Variants in ARHGEF4 observed in about 807,000 individuals in gnomAD.
ARHGEF4 encodes the protein Rho guanine nucleotide exchange factor 4, also known as APC-stimulated guanine nucleotide exchange factor 1.
In ARHGEF4, 119 loss-of-function variants were observed where a neutral mutation model predicts 162.0. The ratio of observed to expected loss-of-function variants is 0.73; its 90% CI spans 0.63 to 0.86. The LOEUF is 0.86. ARHGEF4 is among the 40% of genes least tolerant of loss of function. ARHGEF4 has a pLI of 0.00. For synonymous variants in ARHGEF4, 1,014 were observed against 979.9 expected (o/e 1.03, Z -0.65); for missense variants, 2,488 against 2,456.0 (o/e 1.01, Z -0.28).
In ARHGEF4 at chr2:130,912,972, T is replaced by C. The variant is rs545843940; in HGVS notation, c.40-1014T>C. Among the ~76,000 whole-genome samples the C allele has an allele frequency of 4.5e-4, 69 of 152,296 alleles. 1 individual carries two copies. The South Asian group carries it at 0.012, about 27-fold the overall frequency. ...TTATAATTGTTCTATTTTGTTAATA[T>C]TGTTAATTTTTTACTGTGCCTAATT... On this transcript the variant is annotated intron_variant, in intron 1 of 13. Coordinates refer to ENST00000409359, the MANE Select transcript of ARHGEF4 (RefSeq NM_001367493.1).
intron 4 of ARHGEF4, among the ~76,000 whole-genome samples, chr2:131,008,428 A>G (rs1010745671): frequency 2.0e-5 from 3 of 152,054 alleles, no homozygotes; most frequent in African/African-American, 7.3e-5. Context: ...TTCACAAAGT[A>G]GATATTCTCA....
chr2:130,916,819 G>A lies in ARHGEF4; in HGVS notation c.2873G>A (p.Ser958Asn). ...RQGSWRAFLK[S>N]KDAGSPKKPT... ...GGTTCCTGGCGGGCGTTTCTGAAAA[G>A]CAAAGATGCCGGAAGCCCCAAAAAG... Residue 958 changes from serine (S) to asparagine (N), a missense_variant, in exon 2 of 14, where the codon AGC (serine) becomes AAC (asparagine). Ser to Asn is a conservative substitution (Grantham distance 46, BLOSUM62 1). Coordinates refer to ENST00000409359, the MANE Select transcript of ARHGEF4 (RefSeq NM_001367493.1). The A allele has an allele frequency of 6.4e-7, 1 of 1,550,444 alleles. No individual in the cohort carries two copies. The highest frequency in any genetic ancestry group is 8.7e-7 in the Non-Finnish European group (1 of 1,146,982).
At chr2:130,971,813 G>A (rs1685390515) in intron 4 of ARHGEF4, among the ~76,000 whole-genome samples, 1 of 152,210 alleles carries the variant, frequency 6.6e-6, no homozygotes, top group African/African-American at 2.4e-5. Flanking sequence ...TCTGAGGCGA[G>A]GCGGCCACGC....
intron 1 of ARHGEF4, among the ~76,000 whole-genome samples, chr2:130,852,808 C>T (rs920745252): frequency 1.3e-5 from 2 of 152,182 alleles, no homozygotes; most frequent in Admixed American, 6.5e-5. Flanking sequence ...CAAGCCAGCA[C>T]GCACAGGAGG....
intron 1 of ARHGEF4, among the ~76,000 whole-genome samples, chr2:130,838,403 C>T (rs1048628246): frequency 2.6e-5 from 4 of 151,972 alleles, no homozygotes; most frequent in East Asian, 1.9e-4. Context: ...GTCACGAGTT[C>T]GAGACCAGCC....
rs1166712598 is a variant in ARHGEF4 at position 130,916,047 on chromosome 2, G to C, written c.2101G>C (p.Asp701His). ...LPAAPIQGAG[D>H]GALQRVAQAA... is the part of the protein sequence containing the mutation. ...AGCAGCCCCCATACAGGGAGCTGGC[G>C]ATGGGGCTCTTCAGCGGGTGGCCCA... The change falls in exon 2 of 14, where the codon GAT (aspartate) becomes CAT (histidine). Residue 701 changes from aspartate (D) to histidine (H), a missense_variant. By Grantham distance (81) the Asp-to-His change is moderately conservative (BLOSUM62 -1). This residue lies in a region of ARHGEF4 where 1,642 missense variants were observed against 1,481.5 expected (regional missense o/e 1.11). Transcript: ENST00000409359. 1 of 1,550,228 alleles carries C rather than the reference G, an allele frequency of 6.5e-7. No homozygotes were observed. Among genetic ancestry groups the C allele is most frequent in the African/African-American group, 1.4e-5 (1 of 73,062 alleles).
intron 2 of ARHGEF4, among the ~76,000 whole-genome samples, chr2:130,918,297 C>T (rs912474979): frequency 6.6e-6 from 1 of 152,184 alleles, no homozygotes; most frequent in Non-Finnish European, 1.5e-5. Flanking sequence ...TGGTCTCTCC[C>T]ACAAAGTGAC....
chr2:130,946,591 C>CTCT lies in ARHGEF4; in HGVS notation c.3941_3942insTCT (p.Thr1314_Gly1315insLeu). The CTCT allele has an allele frequency of 6.2e-7, 1 of 1,614,086 alleles. No individual in the cohort carries two copies. The highest frequency in any genetic ancestry group is 8.5e-7 in the Non-Finnish European group (1 of 1,179,968). ...CATCCACTCTCCCAGAGTGCTCCAACGGGACTGAACCACATGGGCTGGCCA... is the reference window on the plus strand; with the variant it reads ...CATCCACTCTCCCAGAGTGCTCCAACTCTGGGACTGAACCACATGGGCTGGCCA... On this transcript the variant is annotated inframe_insertion, in exon 4 of 14. Coordinates refer to ENST00000409359, the MANE Select transcript of ARHGEF4 (RefSeq NM_001367493.1).
chr2:130,965,006 C>T (rs1472855768), intron 4 of ARHGEF4, among the ~76,000 whole-genome samples: 1 of 152,232 alleles, frequency 6.6e-6, no homozygotes, highest in Non-Finnish European at 1.5e-5. Context: ...TATTTCACTT[C>T]TTGCAAACAT....
At chr2:131,023,905 CCATGGAATTCCATGGAATGA>C (rs1323810200) in intron 4 of ARHGEF4, among the ~76,000 whole-genome samples, 1 of 152,138 alleles carries the variant, frequency 6.6e-6, no homozygotes, top group Non-Finnish European at 1.5e-5. Flanking sequence ...GCATGGAATG[CCATGGAATTCCATGGAATGA>C]CATGGAATAT....
intron 4 of ARHGEF4, among the ~76,000 whole-genome samples, chr2:131,017,023 T>C (rs896469986): frequency 2.0e-5 from 3 of 152,220 alleles, no homozygotes; most frequent in African/African-American, 4.8e-5. Flanking sequence ...GTCTAAACAC[T>C]GTTGGAATTT....
At chr2:130,983,046 A>G (rs1686236251) in intron 4 of ARHGEF4, among the ~76,000 whole-genome samples, 1 of 152,208 alleles carries the variant, frequency 6.6e-6, no homozygotes, top group Admixed American at 6.5e-5. Context: ...TATATCACAA[A>G]GCTTTTTTAA....
intron 2 of ARHGEF4, among the ~76,000 whole-genome samples, chr2:130,925,033 TAA>T (rs1188096294): frequency 2.1e-5 from 2 of 95,602 alleles, no homozygotes; most frequent in African/African-American, 8.1e-5. Context: ...TTAGGAGTTC[TAA>T]GTGTGTGTGT....
At chr2:130,964,687 G>A (rs984782486) in intron 4 of ARHGEF4, among the ~76,000 whole-genome samples, 1 of 152,238 alleles carries the variant, frequency 6.6e-6, no homozygotes, top group African/African-American at 2.4e-5. Context: ...GCTGGCCGAG[G>A]GTGGAACGGA....
intron 4 of ARHGEF4, among the ~76,000 whole-genome samples, chr2:130,951,372 T>C (rs2105162504): frequency 6.6e-6 from 1 of 152,336 alleles, no homozygotes; most frequent in South Asian, 2.1e-4. Flanking sequence ...TATGTGACTC[T>C]TCCTTTCACT....
Position 131,021,123 on chromosome 2 carries a change from C to A in ARHGEF4, c.3986-6822C>A, listed in dbSNP as rs1689099598. Among the ~76,000 whole-genome samples the A allele has an allele frequency of 2.6e-5, 4 of 152,184 alleles. No individual in the cohort carries two copies. The South Asian group carries it at 8.3e-4, about 32-fold the overall frequency. ...ATAAGTAGGTTGCAAAAATGTTCTC[C>A]CATTCTGTAGGTTGCCTGTTCACTC... On this transcript the variant is annotated intron_variant, in intron 4 of 13. Transcript: ENST00000409359.
At position 130,916,705 on chromosome 2, in the gene ARHGEF4, T is replaced by C; in HGVS notation, c.2759T>C (p.Ile920Thr). ...GCTCATAAGACCTTTTCAAACTTTA[T>C]TGAGTCAATAGTTCTAGAGAAAGAG... is the stretch of plus-strand genomic sequence containing the variant. Reference protein sequence around the residue: ...ALAHKTFSNFIESIVLEKENT... With the variant: ...ALAHKTFSNFTESIVLEKENT... Residue 920 changes from isoleucine to threonine, a missense_variant, in exon 2 of 14, where the codon ATT becomes ACT. By Grantham distance (89) the Ile-to-Thr change is moderately conservative (BLOSUM62 -1). Around this residue, in one of 6 missense-constraint regions of ARHGEF4, gnomAD observed 1,642 missense variants for 1,481.5 expected, o/e 1.11. Transcript: ENST00000409359. 9 of 1,550,624 alleles carry C rather than the reference T, an allele frequency of 5.8e-6. No homozygotes were observed. The highest frequency in any genetic ancestry group is 1.2e-5 in the South Asian group (1 of 84,062).
rs780361550 is a variant in ARHGEF4 at position 130,915,810 on chromosome 2, G to T, written c.1864G>T (p.Gly622Cys). The change falls in exon 2 of 14, where the codon GGC becomes TGC. Residue 622 changes from glycine to cysteine, a missense_variant. Physicochemically the swap from Gly to Cys is radical, Grantham distance 159. Transcript: ENST00000409359. ...CCGGCAGCTGGAGCCCAAAGCAGGCGGCGAGGCCTCGAGGGGCAGGGGCGC... is the reference window on the plus strand; with the variant it reads ...CCGGCAGCTGGAGCCCAAAGCAGGCTGCGAGGCCTCGAGGGGCAGGGGCGC... ...GGRQLEPKAG[G>C]EASRGRGALI... is the part of the protein sequence containing the mutation. 15 of 1,524,284 alleles carry T rather than the reference G, an allele frequency of 9.8e-6. No homozygotes were observed. Among genetic ancestry groups the T allele is most frequent in the Middle Eastern group, 1.7e-4 (1 of 5,848 alleles). 94.4% of individuals were successfully genotyped at this position (1,524,284 alleles called of 1,614,324 possible). A position where few individuals can be genotyped will look rare whatever the true frequency, so the allele number is the denominator to read the frequency against.
At chr2:131,045,342 G>A in intron 12 of ARHGEF4, 27 bp from the exon 13 acceptor site, 1 of 1,600,254 alleles carries the variant, frequency 6.2e-7, no homozygotes. Flanking sequence ...AAGTGGGGCA[G>A]CGCCCTCACC....
Sources: allele counts gnomAD v4.1 joint callset (sites outside exome capture counted in the v4.1 genomes callset), GRCh38; gene constraint gnomAD v4.1.1; regional missense constraint gnomAD v4.1.1; transcripts MANE v1.5; gene names NCBI Gene and HGNC (gene_info 2026-07-23, HGNC 2026-07-21).